Variants in NR3C2 observed in about 807,000 individuals in gnomAD.
NR3C2 encodes the protein nuclear receptor subfamily 3 group C member 2.
Under a neutral mutation model 86.4 loss-of-function variants are expected in NR3C2, and 15 were observed. The ratio of observed to expected loss-of-function variants is 0.17; its 90% confidence interval spans 0.12 to 0.27. The LOEUF is 0.27. Among genes scored for constraint, NR3C2 ranks in the 10% least tolerant of loss-of-function variants. The pLI, the probability that NR3C2 is intolerant of heterozygous loss-of-function variation, is 1.00. For synonymous variants in NR3C2, 458 were observed against 450.5 expected (o/e 1.02, Z -0.21); for missense variants, 960 against 1,195.6 (o/e 0.80, Z 2.91).
intron 2 of NR3C2, among the ~76,000 whole-genome samples, chr4:148,399,658 C>T (rs998890721): frequency 1.3e-5 from 2 of 149,948 alleles, no homozygotes; most frequent in Non-Finnish European, 3.0e-5. Context: ...TACTCTCCAT[C>T]ATCGACAAAG....
intron 2 of NR3C2, among the ~76,000 whole-genome samples, chr4:148,366,942 A>C (rs1746173984): frequency 6.6e-6 from 1 of 151,790 alleles, no homozygotes; most frequent in Admixed American, 6.6e-5. Context: ...AAACTACTTC[A>C]CTCCTATGAT....
intron 6 of NR3C2, among the ~76,000 whole-genome samples, chr4:148,122,479 CTGTA>C (rs2149735396): frequency 6.6e-6 from 1 of 152,300 alleles, no homozygotes; most frequent in South Asian, 2.1e-4. Flanking sequence ...CGGAGAGTCT[CTGTA>C]TTTTAATAAC....
intron 3 of NR3C2, among the ~76,000 whole-genome samples, chr4:148,228,705 A>T (rs1738306944): frequency 6.6e-6 from 1 of 152,214 alleles, no homozygotes; most frequent in Admixed American, 6.5e-5. Context: ...TTTTGAAAAC[A>T]TAGTAAAGCA....
At chr4:148,362,516 C>T (rs568127657) in intron 2 of NR3C2, among the ~76,000 whole-genome samples, 1 of 152,074 alleles carries the variant, frequency 6.6e-6, no homozygotes, top group East Asian at 1.9e-4. Flanking sequence ...GAAGTCTGAG[C>T]CTTTACCTTC....
At position 148,337,004 on chromosome 4, in the gene NR3C2, A is replaced by C. The variant is rs181112078; in HGVS notation, c.1758-76887T>G. Among the ~76,000 whole-genome samples the C allele has an allele frequency of 7.2e-5, 11 of 152,312 alleles. No individual in the cohort carries two copies. In the East Asian group the frequency reaches 2.1e-3, roughly 29 times the overall value. ...GAGATGGGGTCTTCCCATGTTGCCC[A>C]GGCTGGTCTTGAACTCCTAGGCTCA... is the stretch of plus-strand genomic sequence containing the variant. On this transcript the variant is annotated intron_variant, in intron 2 of 8. Transcript: ENST00000358102.
chr4:148,427,953 C>G (rs556329376), intron 2 of NR3C2, among the ~76,000 whole-genome samples: 1 of 152,302 alleles, frequency 6.6e-6, no homozygotes, highest in South Asian at 2.1e-4. Context: ...TGCTGATATA[C>G]ATAAATATCT....
intron 2 of NR3C2, among the ~76,000 whole-genome samples, chr4:148,395,860 A>G (rs1017873075): frequency 1.3e-5 from 2 of 152,228 alleles, no homozygotes; most frequent in African/African-American, 4.8e-5. Context: ...CATTCATTCA[A>G]GTAAAATGAT....
intron 2 of NR3C2, among the ~76,000 whole-genome samples, chr4:148,280,803 G>C (rs569725971): frequency 6.6e-6 from 1 of 152,300 alleles, no homozygotes; most frequent in South Asian, 2.1e-4. Context: ...ACTGCACCTA[G>C]CCTAATTCCG....
intron 2 of NR3C2, among the ~76,000 whole-genome samples, chr4:148,338,272 T>G (rs1269632277): frequency 6.6e-6 from 1 of 152,224 alleles, no homozygotes; most frequent in Admixed American, 6.5e-5. Flanking sequence ...TTAATAACTA[T>G]CTTAGAAGAA....
chr4:148,140,293 C>T (rs1733545742), intron 6 of NR3C2, among the ~76,000 whole-genome samples: 1 of 152,210 alleles, frequency 6.6e-6, no homozygotes, highest in Admixed American at 6.5e-5. Context: ...TGCCTGAGCT[C>T]AGGAGTTCAA....
intron 6 of NR3C2, among the ~76,000 whole-genome samples, chr4:148,120,592 A>T (rs999598283): frequency 3.3e-5 from 5 of 152,124 alleles, no homozygotes; most frequent in African/African-American, 1.2e-4. Flanking sequence ...ACTGATGAGG[A>T]TTTTAGTGTG....
chr4:148,427,436 G>T (rs945792568), intron 2 of NR3C2, among the ~76,000 whole-genome samples: 3 of 151,938 alleles, frequency 2.0e-5, no homozygotes, highest in African/African-American at 7.3e-5. Context: ...AAGAAAGGGG[G>T]TGGCCAACTG....
chr4:148,108,886 A>G (rs17620105), intron 8 of NR3C2, among the ~76,000 whole-genome samples: 2,164 of 152,336 alleles, frequency 0.014, 92 homozygotes, highest in Admixed American at 0.093. Context: ...GATGAATTCC[A>G]GAACGTGCCA....
chr4:148,123,381 T>C (rs2149736279), intron 6 of NR3C2, among the ~76,000 whole-genome samples: 1 of 152,338 alleles, frequency 6.6e-6, no homozygotes, highest in African/African-American at 2.4e-5. Context: ...TGTACCCTTA[T>C]TGGTAGTTCT....
chr4:148,265,583 G>A (rs769890159), intron 2 of NR3C2, among the ~76,000 whole-genome samples: 5 of 151,930 alleles, frequency 3.3e-5, no homozygotes, highest in Admixed American at 1.3e-4. Context: ...AAAAATAGTC[G>A]TATTTTTTAA....
At chr4:148,361,484 A>C (rs1745833115) in intron 2 of NR3C2, among the ~76,000 whole-genome samples, 1 of 152,232 alleles carries the variant, frequency 6.6e-6, no homozygotes, top group African/African-American at 2.4e-5. Flanking sequence ...GTAGCTCTGT[A>C]AGTTACTGCC....
intron 3 of NR3C2, among the ~76,000 whole-genome samples, chr4:148,247,592 G>A (rs577480082): frequency 1.3e-5 from 2 of 151,332 alleles, no homozygotes; most frequent in East Asian, 3.9e-4. Flanking sequence ...GAAGCACACT[G>A]CTGAGAATAA....
At chr4:148,360,099 T>A (rs571744368) in intron 2 of NR3C2, among the ~76,000 whole-genome samples, 2 of 152,250 alleles carry the variant, frequency 1.3e-5, no homozygotes, top group South Asian at 2.1e-4. Context: ...ACTGCTCAAG[T>A]ACAAAAACAT....
chr4:148,142,951 C>G (rs900453084), intron 6 of NR3C2, among the ~76,000 whole-genome samples: 6 of 152,190 alleles, frequency 3.9e-5, no homozygotes, highest in African/African-American at 1.4e-4. Context: ...GCCTACTCTC[C>G]CTTCAGCTTC....
Sources: allele counts gnomAD v4.1 joint callset (sites outside exome capture counted in the v4.1 genomes callset), GRCh38; gene constraint gnomAD v4.1.1; transcripts MANE v1.5; gene names NCBI Gene and HGNC (gene_info 2026-07-23, HGNC 2026-07-21).